NPR1: variants seen among roughly 807,000 people sequenced by gnomAD.
NPR1 encodes the protein atrial natriuretic peptide receptor 1.
NPR1 carries 57 observed loss-of-function variants against 116.9 expected under a neutral mutation model. The observed-to-expected ratio is 0.49, with a 90% confidence interval of 0.39 to 0.61. The LOEUF (loss-of-function observed/expected upper bound fraction) is 0.61, where lower values mean the gene tolerates loss of function less well. Ranked by LOEUF, NPR1 falls within the 20% of genes least tolerant of loss-of-function variation. NPR1 has a pLI of 0.00. For synonymous variants in NPR1, 555 were observed against 601.6 expected (o/e 0.92, Z 1.13); for missense variants, 1,096 against 1,409.8 (o/e 0.78, Z 3.56).
At chr1:153,685,217 C>CTATGAGTCGCTCAAGG in intron 8 of NPR1, 133 bp downstream of exon 8, 1 of 1,199,102 alleles carries the variant, frequency 8.3e-7, no homozygotes. Context: ...CCTTGAGCGA[C>CTATGAGTCGCTCAAGG]TCATAGTCCC....
rs911654990 is a variant in NPR1, at chr1:153,687,942, G to A, written c.2249-111G>A. The A allele has an allele frequency of 5.5e-5, 59 of 1,071,636 alleles. No individual in the cohort carries two copies. In the Middle Eastern group the frequency reaches 1.3e-3, roughly 23 times the overall value. The allele number at this position is 1,071,636 out of a possible 1,614,324, so 66.4% of individuals were successfully genotyped here. A position where few individuals can be genotyped will look rare whatever the true frequency, so the allele number is the denominator to read the frequency against. ...CATTGCTGCCAGTGACCAGTCCCCC[G>A]CCCCCATGCCTTGGTCTTGGACTTC... On this transcript the variant is annotated intron_variant, in intron 14 of 21. Coordinates refer to ENST00000368680, the MANE Select transcript of NPR1 (RefSeq NM_000906.4).
chr1:153,686,464 G>T (rs967882209), intron 10 of NPR1, among the ~76,000 whole-genome samples, 182 bp from the exon 11 acceptor site: 4 of 150,498 alleles, frequency 2.7e-5, no homozygotes. Flanking sequence ...TGCAGAGGGA[G>T]TAGGAGCAGA....
Position 153,679,765 on chromosome 1 carries a change from G to T in NPR1, c.657G>T (p.Glu219Asp). ...TCAATATTACGGTGGACCACCTGGA[G>T]TTCGCCGAGGACGACCTCAGCCACT... ...DRLNITVDHL[E>D]FAEDDLSHYT... The change falls in exon 1 of 22, where the codon GAG (glutamate) becomes GAT (aspartate). Residue 219 changes from glutamate (E) to aspartate (D), a missense_variant. Glu to Asp is a conservative substitution (Grantham distance 45, BLOSUM62 2). Coordinates refer to ENST00000368680, the MANE Select transcript of NPR1 (RefSeq NM_000906.4). This position sits in a 1 kb window ranked among gnomAD's most constrained non-coding sequence, Gnocchi z 4.2. 1 of 1,574,898 alleles carries T rather than the reference G, an allele frequency of 6.3e-7. No homozygotes were observed. The highest frequency in any genetic ancestry group is 8.6e-7 in the Non-Finnish European group (1 of 1,164,560).
chr1:153,686,020 C>G, intron 9 of NPR1, 103 bp from the exon 10 acceptor site: 4 of 1,411,288 alleles, frequency 2.8e-6, no homozygotes, highest in Non-Finnish European at 4.0e-6. Flanking sequence ...CTATTGGGAA[C>G]AAGTGAGGGT....
Position 153,685,896 on chromosome 1 carries a change from G to A in NPR1, c.1680+16G>A. ...ATATTATAAGGTGGGCCTGGGGAAA[G>A]ATCACTGGGCCTTGGGACTGGGGCA... On this transcript the variant is annotated intron_variant, in intron 9 of 21. Coordinates refer to ENST00000368680, the MANE Select transcript of NPR1 (RefSeq NM_000906.4). 1 of 1,608,792 alleles carries A rather than the reference G, an allele frequency of 6.2e-7. No homozygotes were observed. The highest frequency in any genetic ancestry group is 8.5e-7 in the Non-Finnish European group (1 of 1,175,302).
chr1:153,689,557 G>A lies in NPR1; in HGVS notation c.2757+36G>A, dbSNP rs2101738835. Reference sequence around the variant, plus strand: ...GAGTGGGGATGGGAAGGGACAGACAGACATGGACAAGGTCAGAAAAAGATG... The same window carrying A: ...GAGTGGGGATGGGAAGGGACAGACAAACATGGACAAGGTCAGAAAAAGATG... On this transcript the variant is annotated intron_variant, in intron 18 of 21. Transcript: ENST00000368680. This position sits in a 1 kb window ranked among gnomAD's most constrained non-coding sequence, Gnocchi z 5.1. 6.3e-7 allele frequency: 1 copy of A among 1,589,566 alleles called. No individual in the cohort carries two copies. Among genetic ancestry groups the A allele is most frequent in the East Asian group, 2.2e-5 (1 of 44,772 alleles).
chr1:153,682,699 A>G (rs754161479), intron 5 of NPR1, 110 bp downstream of exon 5: 18 of 787,174 alleles, frequency 2.3e-5, no homozygotes, highest in Non-Finnish European at 3.9e-5. Context: ...CCATTCCACC[A>G]TGCCTGGACA....
In NPR1 at chr1:153,688,903, G is replaced by C. The variant is rs753210227; in HGVS notation, c.2418-50G>C. ...TGCCTAGGGGCGGGCGCTCACGGTA[G>C]GCTGTGCTGCTCCTCTCTTACCACC... On this transcript the variant is annotated intron_variant, in intron 15 of 21. Coordinates refer to ENST00000368680, the MANE Select transcript of NPR1 (RefSeq NM_000906.4). 23 of 1,611,730 alleles carry C rather than the reference G, an allele frequency of 1.4e-5. No homozygotes were observed. In the East Asian group the frequency reaches 4.9e-4, roughly 34 times the overall value.
At chr1:153,685,976 G>A in intron 9 of NPR1, 96 bp downstream of exon 9, 1 of 1,409,194 alleles carries the variant, frequency 7.1e-7, no homozygotes, top group Admixed American at 1.7e-5. Flanking sequence ...GAGTAAGCTG[G>A]TGGGGAGCAG....
At position 153,678,981 on chromosome 1, in the gene NPR1, A is replaced by G; in HGVS notation, c.-128A>G. 8.3e-7 allele frequency: 1 copy of G among 1,202,832 alleles called. No homozygotes were observed. Among genetic ancestry groups the G allele is most frequent in the Non-Finnish European group, 1.1e-6 (1 of 926,136 alleles). The allele number at this position is 1,202,832 out of a possible 1,614,324, so 74.5% of individuals were successfully genotyped here. ...ACAGGGGGCCTCGAGCCCCGGGGTGAGCGTCCCCGTCCCGCTCCTGCTCCT... is the reference window on the plus strand; with the variant it reads ...ACAGGGGGCCTCGAGCCCCGGGGTGGGCGTCCCCGTCCCGCTCCTGCTCCT... On this transcript the variant is annotated 5_prime_UTR_variant, in exon 1 of 22. Coordinates refer to ENST00000368680, the MANE Select transcript of NPR1 (RefSeq NM_000906.4). This position sits in a 1 kb window ranked among gnomAD's most constrained non-coding sequence, Gnocchi z 5.8.
chr1:153,690,141 T>TCTCTCTCTCTCTCTCTCTCTCTCTCTCA, intron 19 of NPR1, 143 bp from the exon 20 acceptor site: 2 of 358,284 alleles, frequency 5.6e-6, no homozygotes, highest in Admixed American at 1.1e-4. Context: ...TCTCTCTCTC[T>TCTCTCTCTCTCTCTCTCTCTCTCTCTCA]CACACACACA....
Position 153,689,889 on chromosome 1 carries a change from C to A in NPR1, c.2841C>A (p.Arg947=). ...NGRLHACEVA[R]MALALLDAVR... The stretch of plus-strand genomic sequence containing the variant: ...GGCTACACGCCTGCGAGGTAGCCCG[C>A]ATGGCCCTGGCACTGCTGGATGCTG... Residue 947 remains arginine, a synonymous_variant, in exon 19 of 22, where the codon CGC becomes CGA. Transcript: ENST00000368680. This position sits in a 1 kb window ranked among gnomAD's most constrained non-coding sequence, Gnocchi z 5.1. 6.3e-7 allele frequency: 1 copy of A among 1,580,854 alleles called. No homozygotes were observed. Among genetic ancestry groups the A allele is most frequent in the Non-Finnish European group, 8.6e-7 (1 of 1,161,874 alleles).
At chr1:153,680,480 T>C in intron 1 of NPR1, 21 bp from the exon 2 acceptor site, 1 of 1,612,880 alleles carries the variant, frequency 6.2e-7, no homozygotes, top group Middle Eastern at 1.6e-4. Flanking sequence ...CTTCTCTCTC[T>C]GACTCTCCGT....
At position 153,689,632 on chromosome 1, in the gene NPR1, G is replaced by A. The variant is rs147708092; in HGVS notation, c.2757+111G>A. ...TCTTAAGAGAGGAGATCGGGGACAC[G>A]GGCAGAGACAGTGACACAGGGAGAC... On this transcript the variant is annotated intron_variant, in intron 18 of 21. Coordinates refer to ENST00000368680, the MANE Select transcript of NPR1 (RefSeq NM_000906.4). The surrounding 1 kb of genome is among the most constrained non-coding windows in gnomAD (Gnocchi z 5.1). 2,995 of 1,267,710 alleles carry A rather than the reference G, an allele frequency of 2.4e-3. 10 individuals are homozygous for A. The highest frequency in any genetic ancestry group is 2.8e-3 in the Non-Finnish European group (2,471 of 885,932). 78.5% of individuals were successfully genotyped at this position (1,267,710 alleles called of 1,614,324 possible).
intron 2 of NPR1, 29 bp downstream of exon 2, chr1:153,680,729 G>A: frequency 8.3e-6 from 13 of 1,562,752 alleles, no homozygotes; most frequent in Non-Finnish European, 1.1e-5. Context: ...AGCCCAGGCT[G>A]TCTCAGCTTG....
chr1:153,690,055 C>A, intron 19 of NPR1, 75 bp downstream of exon 19: 1 of 1,341,300 alleles, frequency 7.5e-7, no homozygotes, highest in Non-Finnish European at 1.0e-6. Context: ...CTGGCCCAGC[C>A]CCTCGCCCTT....
chr1:153,692,050 A>G (rs1670123135), intron 20 of NPR1, among the ~76,000 whole-genome samples: 1 of 152,160 alleles, frequency 6.6e-6, no homozygotes, highest in Non-Finnish European at 1.5e-5. Flanking sequence ...TGACCTCCTC[A>G]GCCACTTGGG....
chr1:153,681,711 C>A lies in NPR1; in HGVS notation c.1043C>A (p.Thr348Asn), dbSNP rs1384502910. 6.2e-7 allele frequency: 1 copy of A among 1,613,950 alleles called. No homozygotes were observed. The highest frequency in any genetic ancestry group is 1.3e-5 in the African/African-American group (1 of 75,044). Residue 348 changes from threonine to asparagine, a missense_variant, in exon 4 of 22, where the codon ACC becomes AAC. Coordinates refer to ENST00000368680, the MANE Select transcript of NPR1 (RefSeq NM_000906.4). ...CTCTGTTTGCCCCTACAGGTGAACACCATCCCAGCATCCTTCCACGACGGG... is the reference window on the plus strand; with the variant it reads ...CTCTGTTTGCCCCTACAGGTGAACAACATCCCAGCATCCTTCCACGACGGG... ...NFTMEDGLVN[T>N]IPASFHDGLL...
chr1:153,689,859 C>T lies in NPR1; in HGVS notation c.2811C>T (p.Asn937=), dbSNP rs781700790. 3.3e-5 allele frequency: 52 copies of T among 1,593,476 alleles called. No homozygotes were observed. The highest frequency in any genetic ancestry group is 5.6e-5 in the South Asian group (5 of 88,608). ...TGGTGTCAGGGCTCCCTGTGCGGAA[C>T]GGGCGGCTACACGCCTGCGAGGTAG... The part of the protein sequence containing the change: ...YMVVSGLPVR[N]GRLHACEVAR... Residue 937 remains asparagine (N), a synonymous_variant, in exon 19 of 22, where the codon AAC becomes AAT. Coordinates refer to ENST00000368680, the MANE Select transcript of NPR1 (RefSeq NM_000906.4). This position sits in a 1 kb window ranked among gnomAD's most constrained non-coding sequence, Gnocchi z 5.1.
Sources: gnomAD v4.1 joint callset for allele counts (sites outside exome capture counted in the v4.1 genomes callset) on GRCh38, gnomAD v4.1.1 for gene constraint, Gnocchi (gnomAD v3.1) non-coding constraint, MANE v1.5 for transcripts, NCBI Gene and HGNC (gene_info 2026-07-23, HGNC 2026-07-21) for gene names.